Variants in CCSER1 observed in about 807,000 individuals in gnomAD.
The protein encoded by CCSER1 is coiled-coil serine rich protein 1, also known as serine-rich coiled-coil domain-containing protein 1.
A neutral mutation model predicts 82.0 loss-of-function variants in CCSER1; 41 were observed. The observed-to-expected ratio is 0.50, with a 90% CI of 0.39 to 0.65. The LOEUF (loss-of-function observed/expected upper bound fraction) is 0.65. CCSER1 is among the 30% of genes least tolerant of loss of function. The probability of loss-of-function intolerance (pLI) is 0.00; values close to 1 mark genes in which losing one functional copy is unlikely to be tolerated. For missense variants in CCSER1, 1,119 were observed against 1,064.2 expected (o/e 1.05, Z -0.72); for synonymous variants, 414 against 383.9 (o/e 1.08, Z -0.92).
intron 7 of CCSER1, among the ~76,000 whole-genome samples, chr4:90,777,794 A>G (rs1753138601): frequency 6.6e-6 from 1 of 152,158 alleles, no homozygotes; most frequent in Non-Finnish European, 1.5e-5. Context: ...ATAGCTAGAA[A>G]TTAAAGCCAA....
In CCSER1 at chr4:90,988,851, C is replaced by T. The variant is rs1464570759; in HGVS notation, c.2172+65404C>T. 7.2e-5 allele frequency among the ~76,000 whole-genome samples: 11 copies of T among 151,926 alleles called. No individual in the cohort carries two copies. The East Asian group carries it at 2.1e-3, about 30-fold the overall frequency. On this transcript the variant is annotated intron_variant, in intron 9 of 10. Coordinates refer to ENST00000509176, the MANE Select transcript of CCSER1 (RefSeq NM_001145065.2). ...AGATTCTCCAGCAAGATTTGGCACA[C>T]ATAAGTGGTCTGTTTTGTGGGGTTT...
chr4:91,560,897 G>A (rs1045985365), intron 10 of CCSER1, among the ~76,000 whole-genome samples: 2 of 151,244 alleles, frequency 1.3e-5, no homozygotes, highest in Non-Finnish European at 3.0e-5. Flanking sequence ...GTTCTATCCA[G>A]TAGACATCAT....
At chr4:91,155,749 A>T (rs903144132) in intron 10 of CCSER1, among the ~76,000 whole-genome samples, 3 of 151,940 alleles carry the variant, frequency 2.0e-5, no homozygotes, top group African/African-American at 4.8e-5. Context: ...AAATTGTAAG[A>T]TAGAAAAGAT....
At chr4:90,805,258 G>A (rs1757359434) in intron 7 of CCSER1, among the ~76,000 whole-genome samples, 1 of 152,140 alleles carries the variant, frequency 6.6e-6, no homozygotes, top group African/African-American at 2.4e-5. Flanking sequence ...TGTTAGCTGA[G>A]ACTTTAGTCA....
chr4:91,310,316 T>C (rs1272449457), intron 10 of CCSER1, among the ~76,000 whole-genome samples: 8 of 150,496 alleles, frequency 5.3e-5, no homozygotes, highest in Admixed American at 4.7e-4. Flanking sequence ...ATGTCTTCCC[T>C]GGGCCAGATT....
At chr4:91,014,207 A>G (rs1456588571) in intron 9 of CCSER1, among the ~76,000 whole-genome samples, 1 of 134,308 alleles carries the variant, frequency 7.4e-6, no homozygotes, top group African/African-American at 2.5e-5. Context: ...ACCATCATTT[A>G]GTATCCATGC....
Position 91,595,435 on chromosome 4 carries a change from G to A in CCSER1, c.2218-3137G>A, listed in dbSNP as rs1324764528. Among the ~76,000 whole-genome samples the A allele has an allele frequency of 5.9e-5, 9 of 152,188 alleles. No homozygotes were observed. In the East Asian group the frequency reaches 1.5e-3, roughly 26 times the overall value. ...TTCTTTTTAAAATAGAGATAAAAGTGTTCCAAGTGATTAGGTTCTAAAAGA... is the reference window on the plus strand; with the variant it reads ...TTCTTTTTAAAATAGAGATAAAAGTATTCCAAGTGATTAGGTTCTAAAAGA... On this transcript the variant is annotated intron_variant, in intron 10 of 10. Transcript: ENST00000509176.
At chr4:90,742,322 G>C (rs1436015284) in intron 7 of CCSER1, among the ~76,000 whole-genome samples, 1 of 152,088 alleles carries the variant, frequency 6.6e-6, no homozygotes, top group Non-Finnish European at 1.5e-5. Context: ...TTTAGAGGTT[G>C]AATCATATCA....
intron 10 of CCSER1, among the ~76,000 whole-genome samples, chr4:91,140,009 T>A (rs915429252): frequency 6.6e-6 from 1 of 152,146 alleles, no homozygotes; most frequent in Non-Finnish European, 1.5e-5. Flanking sequence ...TTTTCTTAGA[T>A]GATTCTTATT....
intron 1 of CCSER1, among the ~76,000 whole-genome samples, chr4:90,236,096 C>T (rs1287750096): frequency 3.9e-5 from 6 of 152,032 alleles, no homozygotes; most frequent in East Asian, 1.9e-4. Flanking sequence ...ATGCATGCCA[C>T]GATGCTTGGC....
chr4:90,522,699 C>T (rs992575199), intron 5 of CCSER1, among the ~76,000 whole-genome samples: 1 of 152,106 alleles, frequency 6.6e-6, no homozygotes, highest in African/African-American at 2.4e-5. Context: ...CTGTGACTTC[C>T]ATGAAGACTT....
At chr4:91,202,962 A>C (rs1736053260) in intron 10 of CCSER1, among the ~76,000 whole-genome samples, 1 of 151,234 alleles carries the variant, frequency 6.6e-6, no homozygotes, top group African/African-American at 2.4e-5. Flanking sequence ...GTTGTTAAAG[A>C]ATATCTTAAA....
chr4:90,314,509 T>G (rs6831098), intron 3 of CCSER1, among the ~76,000 whole-genome samples: 6,991 of 152,170 alleles, frequency 0.046, 464 homozygotes, highest in African/African-American at 0.15. Flanking sequence ...CTCTCATATC[T>G]CATGTGTTTT....
At chr4:91,501,985 T>C (rs1014495828) in intron 10 of CCSER1, among the ~76,000 whole-genome samples, 2 of 152,214 alleles carry the variant, frequency 1.3e-5, no homozygotes, top group African/African-American at 2.4e-5. Flanking sequence ...TTGTGTTAGT[T>C]AATTGGCTTT....
intron 4 of CCSER1, among the ~76,000 whole-genome samples, chr4:90,406,313 A>G (rs1435580228): frequency 6.6e-6 from 1 of 152,226 alleles, no homozygotes; most frequent in Admixed American, 6.5e-5. Context: ...AAAATATTGC[A>G]GTTCTAAATA....
intron 5 of CCSER1, among the ~76,000 whole-genome samples, chr4:90,478,405 T>C (rs2153595734): frequency 6.6e-6 from 1 of 152,330 alleles, no homozygotes; most frequent in Admixed American, 6.5e-5. Flanking sequence ...TATCATTTTC[T>C]TTTTGAAATA....
intron 7 of CCSER1, among the ~76,000 whole-genome samples, chr4:90,756,658 A>G (rs1749579100): frequency 6.6e-6 from 1 of 152,180 alleles, no homozygotes; most frequent in Admixed American, 6.5e-5. Context: ...CAATTCTCTT[A>G]CAATTTTTTA....
chr4:91,022,511 T>C (rs1740087316), intron 9 of CCSER1, among the ~76,000 whole-genome samples: 1 of 152,178 alleles, frequency 6.6e-6, no homozygotes, highest in South Asian at 2.1e-4. Context: ...TTATAATCCT[T>C]TGGGTATATA....
chr4:91,132,417 A>T lies in CCSER1; in HGVS notation c.2217+46423A>T, dbSNP rs765550397. ...TCTAAATTAGGAAATCGACACTGGGATATGCAAGTGCTAATATCACAGCAT... is the reference window on the plus strand; with the variant it reads ...TCTAAATTAGGAAATCGACACTGGGTTATGCAAGTGCTAATATCACAGCAT... On this transcript the variant is annotated intron_variant, in intron 10 of 10. Coordinates refer to ENST00000509176, the MANE Select transcript of CCSER1 (RefSeq NM_001145065.2). Among the ~76,000 whole-genome samples the T allele has an allele frequency of 1.6e-3, 243 of 152,346 alleles. 1 individual carries two copies. Among genetic ancestry groups the T allele is most frequent in the Non-Finnish European group, 2.8e-3 (193 of 68,018 alleles).
Sources: gnomAD v4.1 joint callset for allele counts (sites outside exome capture counted in the v4.1 genomes callset) on GRCh38, gnomAD v4.1.1 for gene constraint, MANE v1.5 for transcripts, NCBI Gene and HGNC (gene_info 2026-07-23, HGNC 2026-07-21) for gene names.